The following RRM2 variants were observed in gnomAD, a reference collection of about 807,000 sequenced individuals.
RRM2 encodes ribonucleoside-diphosphate reductase subunit M2.
RRM2 carries 6 observed loss-of-function variants against 45.9 expected under a neutral mutation model. That is an observed-to-expected ratio of 0.13 (90% CI 0.07 to 0.26). The LOEUF is 0.26. Ranked by LOEUF, RRM2 falls within the 10% of genes least tolerant of loss-of-function variation. RRM2 has a pLI of 1.00. For missense variants in RRM2, 343 were observed against 489.5 expected, an observed-to-expected ratio of 0.70 and a Z score of 2.82; for synonymous variants, 177 against 173.0, an observed-to-expected ratio of 1.02 and a Z score of -0.18.
chr2:10,174,235 C>G (rs1210742581), intron 3 of RRM2, among the ~76,000 whole-genome samples: 4 of 152,210 alleles, frequency 2.6e-5, no homozygotes, highest in African/African-American at 9.6e-5. Context: ...GTCCCCAGAA[C>G]TGTGAGAAGT....
chr2:10,205,007 C>T lies in RRM2; in HGVS notation n.483-5304C>T, dbSNP rs940173051. ...GAGGCATAGTGTGAGCAAAGTCAGA[C>T]GCAGTGGTTACAAGCAACCCCACGT... On this transcript the variant is annotated intron_variant and non_coding_transcript_variant, in intron 3 of 3. Coordinates refer to the RRM2 transcript ENST00000381786. The surrounding 1 kb of genome is among the most constrained non-coding windows in gnomAD (Gnocchi z 4.8). Among the ~76,000 whole-genome samples, 2 of 152,238 alleles carry T rather than the reference C, an allele frequency of 1.3e-5. No homozygotes were observed. The highest frequency in any genetic ancestry group is 2.1e-4 in the South Asian group (1 of 4,832).
chr2:10,123,093 G>T, intron 2 of RRM2, 36 bp downstream of exon 2: 2 of 1,520,926 alleles, frequency 1.3e-6, no homozygotes, highest in Non-Finnish European at 1.8e-6. Context: ...GGCCAGGGAC[G>T]GCCTTGGGCG....
intron 3 of RRM2, among the ~76,000 whole-genome samples, chr2:10,181,069 CT>C (rs1017426430): frequency 6.6e-6 from 1 of 152,134 alleles, no homozygotes; most frequent in Admixed American, 6.5e-5. Context: ...ACCCAGCCCC[CT>C]GTGGCACTTT....
At chr2:10,161,932 GT>G (rs1663567826) in intron 3 of RRM2, among the ~76,000 whole-genome samples, 1 of 152,218 alleles carries the variant, frequency 6.6e-6, no homozygotes, top group African/African-American at 2.4e-5. Flanking sequence ...ACCTTTTCCT[GT>G]TGTCCAGGCA....
chr2:10,139,227 C>T (rs1663039717), upstream of RRM2, among the ~76,000 whole-genome samples: 1 of 152,220 alleles, frequency 6.6e-6, no homozygotes, highest in Non-Finnish European at 1.5e-5. Flanking sequence ...CACTCCCTGT[C>T]TCCCGTCTGC....
At chr2:10,143,195 C>A (rs1273180823) in intron 3 of RRM2, among the ~76,000 whole-genome samples, 1 of 152,132 alleles carries the variant, frequency 6.6e-6, no homozygotes, top group Non-Finnish European at 1.5e-5. Context: ...TCTTAAACAC[C>A]ACATCCTCTA....
chr2:10,134,670 C>T (rs571132456), downstream of RRM2, among the ~76,000 whole-genome samples: 8 of 152,280 alleles, frequency 5.3e-5, no homozygotes, highest in African/African-American at 7.2e-5. Flanking sequence ...AATAGATTTT[C>T]GGAATCAGGT....
At chr2:10,188,100 G>A (rs1460194735) in intron 3 of RRM2, among the ~76,000 whole-genome samples, 2 of 152,166 alleles carry the variant, frequency 1.3e-5, no homozygotes, top group Non-Finnish European at 2.9e-5. Flanking sequence ...GACACTCTGC[G>A]CCTGCTTCCC....
chr2:10,129,143 G>A lies in RRM2; in HGVS notation c.1006G>A (p.Gly336Ser), dbSNP rs1662846004. Residue 336 changes from glycine (G) to serine (S), a missense_variant, in exon 9 of 10, where the codon GGT (glycine) becomes AGT (serine). Gly to Ser is a moderately conservative substitution (Grantham distance 56). Around this residue, in one of 2 missense-constraint regions of RRM2, gnomAD observed 212 missense variants for 368.1 expected, o/e 0.58. Transcript: ENST00000304567. The surrounding 1 kb of genome is among the most constrained non-coding windows in gnomAD (Gnocchi z 4.8). ...GGCAGACAGACTTATGCTGGAACTG[G>A]GTTTTAGCAAGGTAAAGTATTGTTT... ...FVADRLMLEL[G>S]FSKVFRVENP... The A allele has an allele frequency of 6.2e-7, 1 of 1,613,958 alleles. No homozygotes were observed. Among genetic ancestry groups the A allele is most frequent in the Non-Finnish European group, 8.5e-7 (1 of 1,179,826 alleles).
At chr2:10,179,677 C>T (rs1187644341) in intron 3 of RRM2, among the ~76,000 whole-genome samples, 1 of 152,182 alleles carries the variant, frequency 6.6e-6, no homozygotes, top group African/African-American at 2.4e-5. Flanking sequence ...TGAGTGGGAG[C>T]TGCATCTCTC....
upstream of RRM2, among the ~76,000 whole-genome samples, chr2:10,136,443 C>G (rs945327816): frequency 6.6e-6 from 1 of 152,090 alleles, no homozygotes; most frequent in Non-Finnish European, 1.5e-5. Flanking sequence ...TGAAAAGGCA[C>G]GCTGTCATCT....
At chr2:10,160,551 G>A (rs1040984531) in intron 3 of RRM2, among the ~76,000 whole-genome samples, 1 of 152,218 alleles carries the variant, frequency 6.6e-6, no homozygotes, top group African/African-American at 2.4e-5. Flanking sequence ...CCTAGAGGCT[G>A]CTTGGATTTA....
chr2:10,156,658 A>C (rs1479654593), intron 3 of RRM2, among the ~76,000 whole-genome samples: 1 of 152,198 alleles, frequency 6.6e-6, no homozygotes, highest in Non-Finnish European at 1.5e-5. Context: ...TGACTGATTG[A>C]TTGGGACAGG....
In RRM2 at chr2:10,187,049, C is replaced by A. The variant is rs911133888; in HGVS notation, n.483-23262C>A. Reference sequence around the variant, plus strand: ...GGTGCCCCCGAGGCCCACGTGCAGCCCCGCTCTGTGGGGCCTTTGCCCAGC... The same window carrying A: ...GGTGCCCCCGAGGCCCACGTGCAGCACCGCTCTGTGGGGCCTTTGCCCAGC... On this transcript the variant is annotated intron_variant and non_coding_transcript_variant, in intron 3 of 3. Transcript: ENST00000381786. Among the ~76,000 whole-genome samples, 5 of 152,370 alleles carry A rather than the reference C, an allele frequency of 3.3e-5. No homozygotes were observed. In the East Asian group the frequency reaches 9.7e-4, roughly 29 times the overall value.
At chr2:10,143,445 T>C (rs1239109387) in intron 3 of RRM2, among the ~76,000 whole-genome samples, 1 of 152,216 alleles carries the variant, frequency 6.6e-6, no homozygotes, top group Non-Finnish European at 1.5e-5. Context: ...TCCAGCTGAG[T>C]GCCCTGAGGG....
At position 10,127,110 on chromosome 2, in the gene RRM2, G is replaced by T. The variant is rs777945067; in HGVS notation, c.688G>T (p.Ala230Ser). 1.2e-6 allele frequency: 2 copies of T among 1,614,090 alleles called. No individual in the cohort carries two copies. The highest frequency in any genetic ancestry group is 1.1e-5 in the South Asian group (1 of 91,086). Reference sequence around the variant, plus strand: ...AGGTGAACGTGTTGTAGCCTTTGCTGCAGTGGAAGGCATTTTCTTTTCCGG... The same window carrying T: ...AGGTGAACGTGTTGTAGCCTTTGCTTCAGTGGAAGGCATTTTCTTTTCCGG... ...TYGERVVAFA[A>S]VEGIFFSGSF... Residue 230 changes from alanine to serine, a missense_variant, in exon 7 of 10, where the codon GCA becomes TCA. Transcript: ENST00000304567. The surrounding 1 kb of genome is among the most constrained non-coding windows in gnomAD (Gnocchi z 4.1).
At chr2:10,153,689 C>T (rs1274921605) in intron 3 of RRM2, among the ~76,000 whole-genome samples, 1 of 152,212 alleles carries the variant, frequency 6.6e-6, no homozygotes, top group East Asian at 1.9e-4. Context: ...CTCCCTCCCT[C>T]ACCCCTTGCC....
intron 3 of RRM2, among the ~76,000 whole-genome samples, chr2:10,167,536 C>G (rs1663709028): frequency 6.6e-6 from 1 of 152,176 alleles, no homozygotes; most frequent in African/African-American, 2.4e-5. Context: ...TTCTTTCTCT[C>G]CTCTCAGGCT....
At chr2:10,156,408 G>C (rs1274834480) in intron 3 of RRM2, 2 of 152,272 alleles carry the variant, frequency 1.3e-5, no homozygotes, top group East Asian at 3.8e-4. Context: ...GACCTATCAG[G>C]GCACTCACTG....
Sources: allele counts gnomAD v4.1 joint callset (sites outside exome capture counted in the v4.1 genomes callset), GRCh38; gene constraint gnomAD v4.1.1; regional missense constraint gnomAD v4.1.1; non-coding constraint Gnocchi (gnomAD v3.1); transcripts MANE v1.5; gene names NCBI Gene and HGNC (gene_info 2026-07-23, HGNC 2026-07-21).